Variants in NRXN3 observed in about 807,000 individuals in gnomAD.
NRXN3 encodes the protein neurexin III.
Under a neutral mutation model 137.6 loss-of-function variants are expected in NRXN3, and 32 were observed. The ratio of observed to expected loss-of-function variants is 0.23; its 90% CI spans 0.18 to 0.31. The LOEUF is 0.31. Ranked by LOEUF, NRXN3 falls within the 10% of genes least tolerant of loss-of-function variation. The pLI is 1.00. For synonymous variants in NRXN3, 798 were observed against 784.5 expected (o/e 1.02, Z -0.29); for missense variants, 1,574 against 2,062.5 (o/e 0.76, Z 4.59).
At chr14:79,278,953 A>G (rs2080773044) in intron 15 of NRXN3, among the ~76,000 whole-genome samples, 1 of 152,300 alleles carries the variant, frequency 6.6e-6, no homozygotes, top group Middle Eastern at 3.4e-3. Context: ...CGCTGCCTCA[A>G]GGGGTTTATT....
At chr14:79,711,569 G>A (rs112360551) in intron 19 of NRXN3, among the ~76,000 whole-genome samples, 2,513 of 152,126 alleles carry the variant, frequency 0.017, 69 homozygotes, top group African/African-American at 0.055. Flanking sequence ...ATCCTCCTGC[G>A]TTGGAGTGCT....
chr14:79,651,379 A>T (rs1416514659), intron 16 of NRXN3, among the ~76,000 whole-genome samples: 1 of 152,182 alleles, frequency 6.6e-6, no homozygotes, highest in Admixed American at 6.5e-5. Context: ...ATGGATGGAG[A>T]TATTGCACTA....
intron 15 of NRXN3, among the ~76,000 whole-genome samples, chr14:79,301,830 G>T (rs1011962335): frequency 2.6e-5 from 4 of 151,960 alleles, no homozygotes; most frequent in African/African-American, 9.7e-5. Flanking sequence ...ATGTTTAAGG[G>T]ATGCATTTGT....
At chr14:79,733,738 A>G (rs985086043) in intron 19 of NRXN3, among the ~76,000 whole-genome samples, 1 of 151,870 alleles carries the variant, frequency 6.6e-6, no homozygotes, top group Non-Finnish European at 1.5e-5. Context: ...AAAAAGAAAA[A>G]CCTGTAAGAG....
chr14:78,787,047 T>C (rs983930515), intron 8 of NRXN3, among the ~76,000 whole-genome samples: 3 of 152,206 alleles, frequency 2.0e-5, no homozygotes, highest in African/African-American at 7.2e-5. Flanking sequence ...GATTTTACTT[T>C]AATCAGTTTA....
At chr14:79,226,885 G>A (rs770911570) in intron 15 of NRXN3, among the ~76,000 whole-genome samples, 76 of 143,862 alleles carry the variant, frequency 5.3e-4, no homozygotes, top group African/African-American at 1.7e-3. Context: ...ACATGATCTC[G>A]GCTCACTGCA....
At chr14:79,211,360 T>C (rs1280533372) in intron 15 of NRXN3, among the ~76,000 whole-genome samples, 23 of 152,224 alleles carry the variant, frequency 1.5e-4, no homozygotes, top group Admixed American at 1.5e-3. Context: ...ACTTCCTTGC[T>C]TAATGTTGGA....
At chr14:79,585,940 T>G (rs2097762515) in intron 16 of NRXN3, among the ~76,000 whole-genome samples, 1 of 152,200 alleles carries the variant, frequency 6.6e-6, no homozygotes, top group African/African-American at 2.4e-5. Flanking sequence ...GTCTTACCTG[T>G]GCACACACAT....
chr14:78,337,635 C>T (rs1034355641), intron 4 of NRXN3, among the ~76,000 whole-genome samples: 1 of 152,136 alleles, frequency 6.6e-6, no homozygotes, highest in Non-Finnish European at 1.5e-5. Context: ...AAGGCTGTCT[C>T]ACCCTGTGTG....
At chr14:79,166,355 C>T (rs917161519) in intron 15 of NRXN3, among the ~76,000 whole-genome samples, 1 of 151,744 alleles carries the variant, frequency 6.6e-6, no homozygotes, top group Non-Finnish European at 1.5e-5. Flanking sequence ...TTTCCTCTTT[C>T]CTCCTATTGT....
chr14:79,645,031 A>G (rs1409323197), intron 16 of NRXN3, among the ~76,000 whole-genome samples: 3 of 135,822 alleles, frequency 2.2e-5, no homozygotes, highest in African/African-American at 4.9e-5. Flanking sequence ...ACATCATAGC[A>G]TGCACATTGG....
intron 19 of NRXN3, among the ~76,000 whole-genome samples, chr14:79,788,906 A>G (rs1446782419): frequency 6.6e-6 from 1 of 152,226 alleles, no homozygotes; most frequent in Non-Finnish European, 1.5e-5. Context: ...GTATAAATGG[A>G]ATGAAATGCA....
At chr14:78,821,781 G>A (rs1361777375) in intron 10 of NRXN3, among the ~76,000 whole-genome samples, 1 of 152,076 alleles carries the variant, frequency 6.6e-6, no homozygotes, top group Non-Finnish European at 1.5e-5. Context: ...ATTGATAATT[G>A]AAATTAAACT....
intron 4 of NRXN3, among the ~76,000 whole-genome samples, chr14:78,614,644 T>A (rs2097330551): frequency 6.6e-6 from 1 of 152,154 alleles, no homozygotes; most frequent in African/African-American, 2.4e-5. Context: ...GATTTTGCTA[T>A]ATATACACAT....
chr14:79,713,478 G>GTATATATATATATATATATA (rs76633474), intron 19 of NRXN3, among the ~76,000 whole-genome samples: 21 of 135,368 alleles, frequency 1.6e-4, no homozygotes, highest in African/African-American at 5.4e-4. Flanking sequence ...TATATATAAT[G>GTATATATATATATATATATA]TATATATATA....
chr14:79,237,996 T>G (rs139457117), intron 15 of NRXN3, among the ~76,000 whole-genome samples: 1 of 152,166 alleles, frequency 6.6e-6, no homozygotes, highest in Admixed American at 6.6e-5. Flanking sequence ...TTTTTAATTA[T>G]GAGGTATTTT....
rs1293900259 is a variant in NRXN3 at position 79,861,565 on chromosome 14, T to A, written c.4317T>A (p.Asp1439Glu). The change falls in exon 21 of 21, where the codon GAT (aspartate) becomes GAA (glutamate). Residue 1439 changes from aspartate (D) to glutamate (E), a missense_variant. Physicochemically the swap from Asp to Glu is conservative, Grantham distance 45 (BLOSUM62 2). Around this residue, in one of 5 missense-constraint regions of NRXN3, gnomAD observed 320 missense variants for 387.1 expected, o/e 0.83. Coordinates refer to ENST00000335750, the MANE Select transcript of NRXN3 (RefSeq NM_001330195.2). The surrounding 1 kb of genome is among the most constrained non-coding windows in gnomAD (Gnocchi z 5.4). ...MNNRDLKPQP[D>E]IVLLPLPTAY... ...ACCGTGATCTCAAACCCCAGCCTGA[T>A]ATAGTCTTGCTTCCGTTGCCCACTG... 3.1e-6 allele frequency: 5 copies of A among 1,591,652 alleles called. No individual in the cohort carries two copies. Among genetic ancestry groups the A allele is most frequent in the Non-Finnish European group, 4.3e-6 (5 of 1,169,882 alleles).
At chr14:79,372,268 C>T (rs914517365) in intron 15 of NRXN3, among the ~76,000 whole-genome samples, 1 of 152,100 alleles carries the variant, frequency 6.6e-6, no homozygotes, top group Non-Finnish European at 1.5e-5. Flanking sequence ...TCTTCTAAAG[C>T]ATTCGAAGAT....
intron 20 of NRXN3, among the ~76,000 whole-genome samples, chr14:79,832,013 G>A (rs1299278230): frequency 2.0e-5 from 3 of 151,928 alleles, no homozygotes; most frequent in South Asian, 2.1e-4. Flanking sequence ...CCCCCTCGCC[G>A]CCCTGATACC....
Sources: gnomAD v4.1 joint callset for allele counts (sites outside exome capture counted in the v4.1 genomes callset) on GRCh38, gnomAD v4.1.1 for gene constraint, gnomAD v4.1.1 regional missense constraint, Gnocchi (gnomAD v3.1) non-coding constraint, MANE v1.5 for transcripts, NCBI Gene and HGNC (gene_info 2026-07-23, HGNC 2026-07-21) for gene names.